Variants in PRKCE observed in about 807,000 individuals in gnomAD.
PRKCE encodes the protein protein kinase C epsilon type.
Under a neutral mutation model 85.4 loss-of-function variants are expected in PRKCE, and 16 were observed. The ratio of observed to expected loss-of-function variants is 0.19; its 90% CI spans 0.13 to 0.28. The LOEUF (loss-of-function observed/expected upper bound fraction) is 0.28, where lower values mean the gene tolerates loss of function less well. PRKCE is among the 10% of genes least tolerant of loss of function. The pLI is 1.00. For missense variants in PRKCE, 573 were observed against 975.2 expected (o/e 0.59, Z 5.49); for synonymous variants, 388 against 371.5 (o/e 1.04, Z -0.51).
At chr2:45,988,452 C>T (rs1703518119) in intron 6 of PRKCE, among the ~76,000 whole-genome samples, 1 of 152,054 alleles carries the variant, frequency 6.6e-6, no homozygotes, top group Non-Finnish European at 1.5e-5. Flanking sequence ...GCTTTTATGA[C>T]AAGGAAATGG....
At position 46,004,341 on chromosome 2, in the gene PRKCE, C is replaced by G. The variant is rs186807662; in HGVS notation, c.967-201C>G. ...GTGCACTGAAATTCCTTTTGTGGTT[C>G]TTGCTCTGGTCAGACGTCACAGAGG... is the stretch of plus-strand genomic sequence containing the variant. On this transcript the variant is annotated intron_variant, in intron 7 of 14. Transcript: ENST00000306156. The surrounding 1 kb of genome is among the most constrained non-coding windows in gnomAD (Gnocchi z 4.1). 8 of 519,500 alleles carry G rather than the reference C, an allele frequency of 1.5e-5. No individual in the cohort carries two copies. Among genetic ancestry groups the G allele is most frequent in the South Asian group, 1.4e-4 (7 of 49,188 alleles). The allele number at this position is 519,500 out of a possible 1,614,324, so 32.2% of individuals were successfully genotyped here. A position where few individuals can be genotyped will look rare whatever the true frequency, so the allele number is the denominator to read the frequency against.
chr2:46,029,461 C>T (rs1707361997), intron 10 of PRKCE, among the ~76,000 whole-genome samples: 1 of 152,134 alleles, frequency 6.6e-6, no homozygotes. Flanking sequence ...GGGGGAGCCA[C>T]AAAAGTGGCT....
intron 10 of PRKCE, among the ~76,000 whole-genome samples, chr2:46,011,115 CT>C (rs1450356807): frequency 1.3e-5 from 2 of 152,292 alleles, no homozygotes; most frequent in East Asian, 1.9e-4. Context: ...AATTTGTTAC[CT>C]GTTTTTAGTA....
At chr2:46,026,823 C>A (rs6748835) in intron 10 of PRKCE, among the ~76,000 whole-genome samples, 101,671 of 152,058 alleles carry the variant, frequency 0.67, 36,331 homozygotes, top group African/African-American at 0.92. Context: ...ATTTCCATTT[C>A]TATAAAACCC....
intron 1 of PRKCE, among the ~76,000 whole-genome samples, chr2:45,823,502 T>A (rs1689702782): frequency 6.6e-6 from 1 of 152,158 alleles, no homozygotes; most frequent in Non-Finnish European, 1.5e-5. Context: ...TCAAGGAAAG[T>A]AAGTGGTGGA....
chr2:45,814,005 A>G (rs916792557), intron 1 of PRKCE, among the ~76,000 whole-genome samples: 1 of 152,124 alleles, frequency 6.6e-6, no homozygotes, highest in African/African-American at 2.4e-5. Flanking sequence ...TGACCTTACC[A>G]AGGTGGGCAG....
chr2:45,802,282 A>G (rs1380249127), intron 1 of PRKCE, among the ~76,000 whole-genome samples: 1 of 152,144 alleles, frequency 6.6e-6, no homozygotes, highest in African/African-American at 2.4e-5. Context: ...TAAATAAATA[A>G]GCAAATAAAT....
chr2:45,760,088 C>G (rs904776073), intron 1 of PRKCE, among the ~76,000 whole-genome samples: 3 of 152,146 alleles, frequency 2.0e-5, no homozygotes, highest in Non-Finnish European at 4.4e-5. Flanking sequence ...GGAGCAATCT[C>G]TGTGGAGTGA....
At chr2:46,084,718 C>CAAAA (rs11314680) in intron 10 of PRKCE, among the ~76,000 whole-genome samples, 5 of 92,232 alleles carry the variant, frequency 5.4e-5, no homozygotes, top group African/African-American at 1.7e-4. Context: ...GAGACTCCAT[C>CAAAA]AAAAAAAAAA....
chr2:46,119,283 A>G (rs1378489542), intron 11 of PRKCE, among the ~76,000 whole-genome samples: 1 of 152,102 alleles, frequency 6.6e-6, no homozygotes, highest in Non-Finnish European at 1.5e-5. Context: ...GAAAGAGAAA[A>G]AAAAAGGGGG....
intron 11 of PRKCE, among the ~76,000 whole-genome samples, chr2:46,136,891 C>T (rs1675057330): frequency 6.6e-6 from 1 of 152,230 alleles, no homozygotes; most frequent in South Asian, 2.1e-4. Flanking sequence ...TGTCCCTTTC[C>T]CCTAAGTTAC....
intron 10 of PRKCE, among the ~76,000 whole-genome samples, chr2:46,072,899 G>C (rs1668198465): frequency 1.3e-5 from 2 of 152,300 alleles, no homozygotes; most frequent in South Asian, 2.1e-4. Flanking sequence ...AAATGCAGTA[G>C]AATCACCAAA....
At chr2:45,933,929 C>G (rs973561697) in intron 2 of PRKCE, among the ~76,000 whole-genome samples, 1 of 152,176 alleles carries the variant, frequency 6.6e-6, no homozygotes, top group Admixed American at 6.5e-5. Context: ...AGTGCAGGTA[C>G]TCCTGGCTTC....
chr2:46,092,231 A>G (rs1267067971), intron 11 of PRKCE, among the ~76,000 whole-genome samples: 1 of 152,230 alleles, frequency 6.6e-6, no homozygotes, highest in Non-Finnish European at 1.5e-5. Flanking sequence ...CGTCTTATCT[A>G]TGTCACATAT....
chr2:46,003,853 A>G (rs1207016892), intron 7 of PRKCE: 1 of 152,466 alleles, frequency 6.6e-6, no homozygotes, highest in Non-Finnish European at 1.5e-5. Flanking sequence ...GTGCTTTCAG[A>G]ATATCAATTC....
chr2:45,987,233 C>T (rs574243832), intron 6 of PRKCE, among the ~76,000 whole-genome samples: 25 of 152,074 alleles, frequency 1.6e-4, no homozygotes, highest in African/African-American at 5.6e-4. Context: ...TGCTCTTGCC[C>T]CTGCTCAAGG....
rs1680509942 is a variant in PRKCE, at chr2:46,187,228, G to C, written c.*2347G>C. Reference sequence around the variant, plus strand: ...GGGCCTAGTGTTTGCACGGCAGTGGGAACTGGGCCTTTCCTACAGGACAAC... The same window carrying C: ...GGGCCTAGTGTTTGCACGGCAGTGGCAACTGGGCCTTTCCTACAGGACAAC... On this transcript the variant is annotated 3_prime_UTR_variant, in exon 15 of 15. Coordinates refer to ENST00000306156, the MANE Select transcript of PRKCE (RefSeq NM_005400.3). The C allele has an allele frequency of 6.6e-6, 1 of 152,650 alleles. No individual in the cohort carries two copies. Among genetic ancestry groups the C allele is most frequent in the Admixed American group, 6.5e-5 (1 of 15,288 alleles). The allele number at this position is 152,650 out of a possible 1,614,324, so 9.5% of individuals were successfully genotyped here. A position where few individuals can be genotyped will look rare whatever the true frequency, so the allele number is the denominator to read the frequency against.
chr2:46,082,280 G>A (rs1170182964), intron 10 of PRKCE, among the ~76,000 whole-genome samples: 1 of 152,150 alleles, frequency 6.6e-6, no homozygotes. Flanking sequence ...GGGCATGATG[G>A]TGGTAGAGAG....
At chr2:45,699,504 C>CACACAGAGCCCGTCTGT (rs1678437357) in intron 1 of PRKCE, among the ~76,000 whole-genome samples, 1 of 152,138 alleles carries the variant, frequency 6.6e-6, no homozygotes, top group African/African-American at 2.4e-5. Context: ...TCTGTGACAC[C>CACACAGAGCCCGTCTGT]ACACAGAGCC....
Sources: gnomAD v4.1 joint callset for allele counts (sites outside exome capture counted in the v4.1 genomes callset) on GRCh38, gnomAD v4.1.1 for gene constraint, Gnocchi (gnomAD v3.1) non-coding constraint, MANE v1.5 for transcripts, NCBI Gene and HGNC (gene_info 2026-07-23, HGNC 2026-07-21) for gene names.